The following CADM2 variants were observed in gnomAD, a reference collection of about 807,000 sequenced individuals.
CADM2 encodes the protein cell adhesion molecule 2, also known as immunoglobulin superfamily member 4D.
CADM2 carries 12 observed loss-of-function variants against 49.8 expected under a neutral mutation model. That is an observed-to-expected ratio of 0.24 (90% confidence interval 0.15 to 0.39). The LOEUF is 0.39. CADM2 is among the 10% of genes least tolerant of loss of function. CADM2 has a pLI of 1.00. For synonymous variants in CADM2, 214 were observed against 175.4 expected (o/e 1.22, Z -1.74); for missense variants, 378 against 492.3 (o/e 0.77, Z 2.20).
chr3:85,432,200 C>T (rs1488014776), intron 1 of CADM2, among the ~76,000 whole-genome samples: 3 of 151,732 alleles, frequency 2.0e-5, no homozygotes, highest in East Asian at 2.0e-4. Flanking sequence ...TGGTAATTGA[C>T]GTCAAATATA....
chr3:85,996,653 AG>A (rs1246068174), intron 8 of CADM2, among the ~76,000 whole-genome samples: 11 of 152,178 alleles, frequency 7.2e-5, no homozygotes, highest in Admixed American at 7.2e-4. Flanking sequence ...CATTTGATCT[AG>A]TGAAAACTTT....
chr3:85,944,740 C>T (rs1042337574), intron 7 of CADM2, among the ~76,000 whole-genome samples: 16 of 151,876 alleles, frequency 1.1e-4, no homozygotes, highest in African/African-American at 3.6e-4. Context: ...AGAACAAAGA[C>T]ACAACATACC....
At chr3:85,269,423 A>G (rs535303739) in intron 1 of CADM2, among the ~76,000 whole-genome samples, 3 of 151,566 alleles carry the variant, frequency 2.0e-5, no homozygotes, top group African/African-American at 7.2e-5. Context: ...CCCAAAAAGT[A>G]AATTAATTAA....
chr3:85,362,806 G>A (rs1034517108), intron 1 of CADM2, among the ~76,000 whole-genome samples: 9 of 152,192 alleles, frequency 5.9e-5, no homozygotes, highest in South Asian at 4.1e-4. Flanking sequence ...GTATTAGACA[G>A]CTGGAAATAT....
At chr3:85,194,755 C>T (rs1004868004) in intron 1 of CADM2, among the ~76,000 whole-genome samples, 1 of 151,936 alleles carries the variant, frequency 6.6e-6, no homozygotes, top group African/African-American at 2.4e-5. Context: ...GTTTTCTCAG[C>T]AGCATTCTTA....
chr3:85,125,065 A>T (rs970314291), intron 1 of CADM2, among the ~76,000 whole-genome samples: 1 of 152,328 alleles, frequency 6.6e-6, no homozygotes, highest in East Asian at 1.9e-4. Context: ...TCTAAAATTT[A>T]ATCAGCAGAG....
chr3:85,017,070 AG>A (rs531118500), intron 1 of CADM2, among the ~76,000 whole-genome samples: 262 of 152,344 alleles, frequency 1.7e-3, no homozygotes, highest in Non-Finnish European at 3.3e-3. Context: ...TTGAAGGAAC[AG>A]GTAATCAGCT....
At position 85,641,008 on chromosome 3, in the gene CADM2, A is replaced by T. The variant is rs560019827; in HGVS notation, c.62-85514A>T. Among the ~76,000 whole-genome samples, 5 of 152,278 alleles carry T rather than the reference A, an allele frequency of 3.3e-5. No homozygotes were observed. In the South Asian group the frequency reaches 8.3e-4, roughly 25 times the overall value. On this transcript the variant is annotated intron_variant, in intron 1 of 9. Transcript: ENST00000383699. ...AACATTATTCGAAGAGTCAACCCAA[A>T]TAATTAAATTGGAGCCCTAAAATCC...
intron 1 of CADM2, among the ~76,000 whole-genome samples, chr3:85,279,718 A>G (rs1345127726): frequency 6.6e-6 from 1 of 151,558 alleles, no homozygotes; most frequent in Non-Finnish European, 1.5e-5. Context: ...ATATCTGAAT[A>G]TTGTAAAAGT....
chr3:85,431,060 A>G (rs1223198275), intron 1 of CADM2, among the ~76,000 whole-genome samples: 1 of 152,162 alleles, frequency 6.6e-6, no homozygotes, highest in Non-Finnish European at 1.5e-5. Flanking sequence ...AGATTATAAT[A>G]TCACATTTTT....
At chr3:85,688,782 G>T (rs796088997) in intron 1 of CADM2, among the ~76,000 whole-genome samples, 8 of 152,052 alleles carry the variant, frequency 5.3e-5, no homozygotes, top group African/African-American at 1.9e-4. Context: ...TGGCCAGCCT[G>T]GTTTCGAACT....
chr3:85,582,452 T>G (rs2062825828), intron 1 of CADM2, among the ~76,000 whole-genome samples: 1 of 152,198 alleles, frequency 6.6e-6, no homozygotes, highest in Non-Finnish European at 1.5e-5. Flanking sequence ...ATGAGTACTG[T>G]CTTAGTTAGC....
At chr3:85,128,684 T>C (rs1390277926) in intron 1 of CADM2, among the ~76,000 whole-genome samples, 4 of 152,274 alleles carry the variant, frequency 2.6e-5, no homozygotes, top group African/African-American at 9.6e-5. Flanking sequence ...GTGAATCAGA[T>C]TTGGGGTTAG....
At chr3:85,592,832 C>T (rs1319131376) in intron 1 of CADM2, among the ~76,000 whole-genome samples, 7 of 151,790 alleles carry the variant, frequency 4.6e-5, no homozygotes, top group African/African-American at 1.7e-4. Flanking sequence ...TTAGATATTT[C>T]TCCTAATGCT....
chr3:85,786,394 T>C (rs1417266200), intron 2 of CADM2, among the ~76,000 whole-genome samples: 1 of 152,046 alleles, frequency 6.6e-6, no homozygotes, highest in Non-Finnish European at 1.5e-5. Flanking sequence ...CAGTTTCCAC[T>C]AAACTCTCAT....
chr3:85,141,835 T>G (rs1196664547), intron 1 of CADM2, among the ~76,000 whole-genome samples: 1 of 152,182 alleles, frequency 6.6e-6, no homozygotes, highest in Non-Finnish European at 1.5e-5. Context: ...GCTTCATTTA[T>G]TAGATGATAA....
intron 1 of CADM2, among the ~76,000 whole-genome samples, chr3:85,643,889 C>T (rs1365999618): frequency 1.3e-5 from 2 of 152,060 alleles, no homozygotes; most frequent in Non-Finnish European, 2.9e-5. Context: ...ATTCTTAATA[C>T]ATTTTTTAGG....
At chr3:85,278,258 A>G (rs1039227886) in intron 1 of CADM2, among the ~76,000 whole-genome samples, 1 of 151,322 alleles carries the variant, frequency 6.6e-6, no homozygotes, top group Non-Finnish European at 1.5e-5. Flanking sequence ...CTCTTTCCCA[A>G]TAAATATGAT....
intron 1 of CADM2, among the ~76,000 whole-genome samples, chr3:85,653,243 G>C (rs1577022314): frequency 1.3e-5 from 2 of 150,200 alleles, no homozygotes; most frequent in Admixed American, 1.3e-4. Context: ...CTTTTACTGT[G>C]AGCAAGGAGG....
Sources: allele counts gnomAD v4.1 joint callset (sites outside exome capture counted in the v4.1 genomes callset), GRCh38; gene constraint gnomAD v4.1.1; transcripts MANE v1.5; gene names NCBI Gene and HGNC (gene_info 2026-07-23, HGNC 2026-07-21).